The following LAMB1 variants were observed in gnomAD, a reference collection of about 807,000 sequenced individuals.
The protein encoded by LAMB1 is laminin subunit beta 1, also known as laminin subunit beta-1.
In LAMB1, 121 loss-of-function variants were observed where a neutral mutation model predicts 222.3. That is an observed-to-expected ratio of 0.54 (90% CI 0.47 to 0.63). LAMB1 has a LOEUF of 0.63. Among genes scored for constraint, LAMB1 ranks in the 30% least tolerant of loss-of-function variants. The pLI is 0.00. For synonymous variants in LAMB1, 794 were observed against 807.2 expected (o/e 0.98, Z 0.28); for missense variants, 2,172 against 2,240.8 (o/e 0.97, Z 0.62).
At chr7:107,983,508 T>C (rs1484178507) in intron 7 of LAMB1, among the ~76,000 whole-genome samples, 3 of 151,352 alleles carry the variant, frequency 2.0e-5, no homozygotes, top group South Asian at 4.2e-4. Flanking sequence ...TTATGATTTA[T>C]GAACACATTT....
chr7:107,975,882 G>A lies in LAMB1; in HGVS notation c.1001-5C>T, dbSNP rs1251184979. 36 of 1,612,324 alleles carry A rather than the reference G, an allele frequency of 2.2e-5. No individual in the cohort carries two copies. Among genetic ancestry groups the A allele is most frequent in the Non-Finnish European group, 3.0e-5 (35 of 1,179,198 alleles). ...AATGTTCATTGCAGTTACATTCTGC[G>A]TGACAAGAGCAACGTCAAGAAAAGC... On this transcript the variant is annotated splice_region_variant and splice_polypyrimidine_tract_variant and intron_variant, in intron 9 of 33. Transcript: ENST00000222399.
At chr7:107,961,077 G>A (rs760944233) in intron 17 of LAMB1, 129 bp downstream of exon 17, 12 of 1,004,062 alleles carry the variant, frequency 1.2e-5, no homozygotes, top group Admixed American at 2.5e-5. Flanking sequence ...CAAAGTAACC[G>A]TGGAGGCAAG....
At chr7:107,943,779 C>T (rs574241491) in intron 24 of LAMB1, among the ~76,000 whole-genome samples, 10 of 152,216 alleles carry the variant, frequency 6.6e-5, no homozygotes, top group African/African-American at 1.9e-4. Flanking sequence ...TGTTTCTGCC[C>T]GCCTTCTGTA....
chr7:107,990,186 G>C (rs1467651062), intron 5 of LAMB1, among the ~76,000 whole-genome samples: 1 of 152,022 alleles, frequency 6.6e-6, no homozygotes, highest in African/African-American at 2.4e-5. Context: ...CTACAGGCGT[G>C]TGCCACCATG....
chr7:107,977,950 AC>A, intron 9 of LAMB1, 96 bp downstream of exon 9: 9 of 1,390,494 alleles, frequency 6.5e-6, no homozygotes, highest in Non-Finnish European at 8.0e-6. Flanking sequence ...TAACTTTTCT[AC>A]CCTCTGCAAA....
At chr7:107,926,982 A>G (rs552375704) in intron 31 of LAMB1, among the ~76,000 whole-genome samples, 2 of 152,338 alleles carry the variant, frequency 1.3e-5, no homozygotes, top group East Asian at 3.9e-4. Context: ...TTCAAAGTAG[A>G]ATCAATAAAC....
intron 24 of LAMB1, among the ~76,000 whole-genome samples, chr7:107,950,944 G>C (rs2033231285): frequency 6.6e-6 from 1 of 151,862 alleles, no homozygotes; most frequent in Non-Finnish European, 1.5e-5. Flanking sequence ...GTGTGTGTGT[G>C]TGTGTGTGTG....
intron 13 of LAMB1, 144 bp from the exon 14 acceptor site, chr7:107,964,831 A>T (rs1216111675): frequency 1.0e-6 from 1 of 953,838 alleles, no homozygotes; most frequent in Non-Finnish European, 1.5e-6. Context: ...ACATATGTGG[A>T]AAAAAGTAGT....
chr7:107,972,305 G>A (rs987632107), intron 13 of LAMB1, among the ~76,000 whole-genome samples: 1 of 152,196 alleles, frequency 6.6e-6, no homozygotes, highest in Non-Finnish European at 1.5e-5. Context: ...AATTCAGAGT[G>A]TTCTCTCTGG....
intron 10 of LAMB1, 44 bp downstream of exon 10, chr7:107,975,645 A>ATCT (rs781756285): frequency 6.4e-7 from 1 of 1,551,586 alleles, no homozygotes; most frequent in East Asian, 2.3e-5. Flanking sequence ...TTGGAAGGCA[A>ATCT]TCTGAAGTAG....
chr7:107,942,230 TC>T (rs1292372086), intron 24 of LAMB1: 2 of 152,324 alleles, frequency 1.3e-5, no homozygotes, highest in African/African-American at 4.8e-5. Context: ...CACCTTGTGA[TC>T]CGCCCACCTT....
intron 29 of LAMB1, among the ~76,000 whole-genome samples, chr7:107,930,450 T>C (rs1192324893): frequency 6.6e-6 from 1 of 152,240 alleles, no homozygotes; most frequent in African/African-American, 2.4e-5. Context: ...ATGCCTTTTT[T>C]CTTGCTAACA....
At chr7:107,982,935 C>T (rs1279872358) in intron 7 of LAMB1, among the ~76,000 whole-genome samples, 3 of 152,136 alleles carry the variant, frequency 2.0e-5, no homozygotes, top group Non-Finnish European at 2.9e-5. Flanking sequence ...ATTATAAAGA[C>T]AACACATCCT....
rs1236001507 is a variant in LAMB1 at position 107,959,765 on chromosome 7, C to T, written c.2384G>A (p.Arg795Gln). 6.2e-6 allele frequency: 10 copies of T among 1,613,964 alleles called. No individual in the cohort carries two copies. The highest frequency in any genetic ancestry group is 1.1e-5 in the South Asian group (1 of 91,056). ...GCAGGTTCTTCCAACCACGTTGGGC[C>T]GGCACTGGCACTGGCCTCCGTTGGG... ...CDPNGGQCQCRPNVVGRTCNR... is the reference protein window; with the variant it reads ...CDPNGGQCQCQPNVVGRTCNR... The change falls in exon 19 of 34, where the codon CGG (arginine) becomes CAG (glutamine). Residue 795 changes from arginine to glutamine, a missense_variant. Physicochemically the swap from Arg to Gln is conservative, Grantham distance 43. Coordinates refer to ENST00000222399, the MANE Select transcript of LAMB1 (RefSeq NM_002291.3).
chr7:107,996,331 G>A lies in LAMB1; in HGVS notation c.350-1371C>T, dbSNP rs181773592. 1.3e-5 allele frequency among the ~76,000 whole-genome samples: 2 copies of A among 151,988 alleles called. 1 individual carries two copies. Among genetic ancestry groups the A allele is most frequent in the South Asian group, 4.2e-4 (2 of 4,808 alleles). ...TGGGAAGAAAAATCCACAGAGAAAA[G>A]AAACAAGGTCATTCTTCTATAGTGT... is the stretch of plus-strand genomic sequence containing the variant. On this transcript the variant is annotated intron_variant, in intron 4 of 33. Coordinates refer to ENST00000222399, the MANE Select transcript of LAMB1 (RefSeq NM_002291.3).
chr7:107,972,287 G>A (rs2033764703), intron 13 of LAMB1, among the ~76,000 whole-genome samples: 1 of 152,164 alleles, frequency 6.6e-6, no homozygotes, highest in African/African-American at 2.4e-5. Flanking sequence ...CATGAAGCTT[G>A]CTCAATGAAT....
At chr7:107,938,022 C>T (rs956720519) in intron 25 of LAMB1, among the ~76,000 whole-genome samples, 1 of 151,698 alleles carries the variant, frequency 6.6e-6, no homozygotes, top group Non-Finnish European at 1.5e-5. Flanking sequence ...TGTGCACATG[C>T]GAGTGTGCTC....
At chr7:107,943,374 A>G (rs1056503554) in intron 24 of LAMB1, among the ~76,000 whole-genome samples, 1 of 152,236 alleles carries the variant, frequency 6.6e-6, no homozygotes, top group African/African-American at 2.4e-5. Flanking sequence ...AAGGCTTGGG[A>G]AAACCACTAC....
intron 15 of LAMB1, among the ~76,000 whole-genome samples, chr7:107,962,260 C>T (rs2033521566): frequency 6.6e-6 from 1 of 152,232 alleles, no homozygotes; most frequent in African/African-American, 2.4e-5. Context: ...ACACCGTCAC[C>T]TTCAGTCTTT....
Sources: gnomAD v4.1 joint callset for allele counts (sites outside exome capture counted in the v4.1 genomes callset) on GRCh38, gnomAD v4.1.1 for gene constraint, MANE v1.5 for transcripts, NCBI Gene and HGNC (gene_info 2026-07-23, HGNC 2026-07-21) for gene names.